The following IL12RB2 variants were observed in gnomAD, a reference collection of about 807,000 sequenced individuals.
IL12RB2 encodes the protein interleukin-12 receptor subunit beta-2.
Under a neutral mutation model 89.4 loss-of-function variants are expected in IL12RB2, and 82 were observed. The observed-to-expected ratio is 0.92, with a 90% CI of 0.77 to 1.10. The LOEUF (loss-of-function observed/expected upper bound fraction) is 1.10. Among genes scored for constraint, IL12RB2 ranks in the 50% least tolerant of loss-of-function variants. The pLI, the probability that IL12RB2 is intolerant of heterozygous loss-of-function variation, is 0.00. For synonymous variants in IL12RB2, 368 were observed against 370.1 expected, an observed-to-expected ratio of 0.99 and a Z score of 0.07; for missense variants, 963 against 1,031.9, an observed-to-expected ratio of 0.93 and a Z score of 0.92.
rs1663469571 is a variant in IL12RB2, at chr1:67,372,438, A to G, written c.1462A>G (p.Asn488Asp). The change falls in exon 12 of 17, where the codon AAC becomes GAC. Residue 488 changes from asparagine to aspartate, a missense_variant and splice_region_variant. By Grantham distance (23) the Asn-to-Asp change is conservative. Transcript: ENST00000674203. The part of the protein sequence containing the change: ...PYNVSALISE[N>D]IKSYICYEIR... ...TGGGAATTCCCTTTTCCTTGCAGAG[A>G]ACATAAAATCCTACATCTGTTATGA... The G allele has an allele frequency of 1.3e-6, 2 of 1,543,272 alleles. No homozygotes were observed. Among genetic ancestry groups the G allele is most frequent in the Non-Finnish European group, 1.8e-6 (2 of 1,115,180 alleles).
intron 1 of IL12RB2, among the ~76,000 whole-genome samples, chr1:67,308,564 T>A (rs968107827): frequency 1.7e-4 from 26 of 152,092 alleles, no homozygotes; most frequent in African/African-American, 5.8e-4. Context: ...CAGCCTCAGT[T>A]TTCTCTTCTG....
intron 9 of IL12RB2, among the ~76,000 whole-genome samples, chr1:67,339,317 T>A (rs753688385): frequency 4.6e-5 from 7 of 151,728 alleles, no homozygotes; most frequent in Non-Finnish European, 8.8e-5. Context: ...TGAAACCCCG[T>A]CTCTACTGAA....
rs576405832 is a variant in IL12RB2 at position 67,315,383 on chromosome 1, A to G, written c.-37+1383A>G. 8.5e-5 allele frequency among the ~76,000 whole-genome samples: 13 copies of G among 152,280 alleles called. No homozygotes were observed. The East Asian group carries it at 2.5e-3, about 29-fold the overall frequency. On this transcript the variant is annotated intron_variant, in intron 2 of 16. Coordinates refer to ENST00000674203, the MANE Select transcript of IL12RB2 (RefSeq NM_001374259.2). Reference sequence around the variant, plus strand: ...ATTTCTACAAAGGGGCGCCATAGATATCTTTTGCAGTTAGGAAGCAGAAAC... The same window carrying G: ...ATTTCTACAAAGGGGCGCCATAGATGTCTTTTGCAGTTAGGAAGCAGAAAC...
chr1:67,381,782 A>AAG (rs1553127758), intron 14 of IL12RB2, among the ~76,000 whole-genome samples: 101 of 132,712 alleles, frequency 7.6e-4, no homozygotes, highest in East Asian at 3.8e-3. Context: ...AAAAAAAAAA[A>AAG]AAAGAAAGAA....
chr1:67,324,239 T>C (rs1157352829), intron 4 of IL12RB2, among the ~76,000 whole-genome samples: 1 of 152,224 alleles, frequency 6.6e-6, no homozygotes, highest in Non-Finnish European at 1.5e-5. Context: ...TTTGTTTGTT[T>C]TGAGATGGAA....
rs769758127 is a variant in IL12RB2, at chr1:67,395,690, A to T, written c.2190A>T (p.Glu730Asp). 4 of 1,614,172 alleles carry T rather than the reference A, an allele frequency of 2.5e-6. No individual in the cohort carries two copies. The highest frequency in any genetic ancestry group is 4.5e-5 in the East Asian group (2 of 44,874). Residue 730 changes from glutamate (E) to aspartate (D), a missense_variant, in exon 17 of 17, where the codon GAA (glutamate) becomes GAT (aspartate). Physicochemically the swap from Glu to Asp is conservative, Grantham distance 45 (BLOSUM62 2). Coordinates refer to ENST00000674203, the MANE Select transcript of IL12RB2 (RefSeq NM_001374259.2). ...HPPCSNWPQR[E>D]KGIQGHQASE... ...CCTGCTCCAACTGGCCACAAAGGGA[A>T]AAAGGAATCCAAGGTCATCAGGCCT... is the stretch of plus-strand genomic sequence containing the variant.
At chr1:67,333,238 C>T (rs1569848545) in intron 8 of IL12RB2, among the ~76,000 whole-genome samples, 2 of 152,000 alleles carry the variant, frequency 1.3e-5, no homozygotes, top group African/African-American at 4.8e-5. Context: ...TGGTTTTCAC[C>T]CCTTACCCGC....
intron 14 of IL12RB2, 86 bp downstream of exon 14, chr1:67,380,209 A>C: frequency 7.0e-7 from 1 of 1,436,830 alleles, no homozygotes; most frequent in Non-Finnish European, 9.8e-7. Flanking sequence ...AGAGATAATC[A>C]GATTTTCTTT....
chr1:67,363,460 C>T (rs962019505), intron 10 of IL12RB2, among the ~76,000 whole-genome samples: 2 of 151,886 alleles, frequency 1.3e-5, no homozygotes, highest in Admixed American at 6.6e-5. Flanking sequence ...AGGTGATTCG[C>T]CCACCTCAGC....
chr1:67,362,543 G>A (rs1460951678), intron 10 of IL12RB2, among the ~76,000 whole-genome samples: 5 of 141,072 alleles, frequency 3.5e-5, no homozygotes, highest in African/African-American at 1.3e-4. Context: ...TCCGCAGTCC[G>A]GCCTGGGCGA....
In IL12RB2 at chr1:67,376,696, A is replaced by ATGTG. The variant is rs1434017757; in HGVS notation, c.1718-3287_1718-3284dup. On this transcript the variant is annotated intron_variant, in intron 13 of 16. Transcript: ENST00000674203. Reference sequence around the variant, plus strand: ...GAGCTTCTATTTTTGTTCTCCTAATATGTGTGCGTGTGTGTGTGTGTATGT... The same window carrying ATGTG: ...GAGCTTCTATTTTTGTTCTCCTAATATGTGTGTGTGCGTGTGTGTGTGTGTATGT... 2.9e-4 allele frequency among the ~76,000 whole-genome samples: 29 copies of ATGTG among 101,746 alleles called. 1 individual carries two copies. The highest frequency in any genetic ancestry group is 4.9e-4 in the Non-Finnish European group (22 of 44,930). 66.7% of individuals were successfully genotyped at this position (101,746 alleles called of 152,430 possible).
At chr1:67,377,781 G>C (rs532376408) in intron 13 of IL12RB2, among the ~76,000 whole-genome samples, 2 of 146,988 alleles carry the variant, frequency 1.4e-5, no homozygotes, top group African/African-American at 5.0e-5. Context: ...ATTGTAATTT[G>C]TGTTTCTTTT....
Position 67,396,192 on chromosome 1 carries a change from C to T in IL12RB2, c.*103C>T. 2.5e-6 allele frequency: 2 copies of T among 816,296 alleles called. No individual in the cohort carries two copies. The highest frequency in any genetic ancestry group is 2.1e-6 in the Non-Finnish European group (1 of 465,340). The allele number at this position is 816,296 out of a possible 1,614,324, so 50.6% of individuals were successfully genotyped here. A position where few individuals can be genotyped will look rare whatever the true frequency, so the allele number is the denominator to read the frequency against. On this transcript the variant is annotated 3_prime_UTR_variant, in exon 17 of 17. Transcript: ENST00000674203. ...AGCAGCTGTCATCTCTGGGTGCCAC[C>T]ATCGGTCTGGCTGCAGCTAGAGGAC...
intron 10 of IL12RB2, among the ~76,000 whole-genome samples, chr1:67,352,481 G>T (rs1440996019): frequency 6.6e-6 from 1 of 152,110 alleles, no homozygotes; most frequent in African/African-American, 2.4e-5. Context: ...GGAAAAGAAG[G>T]GCTCAGCCCT....
chr1:67,345,812 A>T (rs765811854), intron 9 of IL12RB2, among the ~76,000 whole-genome samples: 1 of 152,210 alleles, frequency 6.6e-6, no homozygotes, highest in Non-Finnish European at 1.5e-5. Context: ...AGCTGAAAGT[A>T]GGGAATTTTG....
Position 67,316,214 on chromosome 1 carries a change from T to C in IL12RB2, c.-37+2214T>C, listed in dbSNP as rs1038710104. Among the ~76,000 whole-genome samples, 52 of 151,840 alleles carry C rather than the reference T, an allele frequency of 3.4e-4. 1 individual carries two copies. Among genetic ancestry groups the C allele is most frequent in the Middle Eastern group, 6.8e-3 (2 of 292 alleles). ...ATTAGTTCTCTTTAATTATGGTACG[T>C]GCTAAGATAGGAAGATGCCAGGGTG... On this transcript the variant is annotated intron_variant, in intron 2 of 16. Transcript: ENST00000674203.
At chr1:67,387,504 C>T (rs1177562994) in intron 15 of IL12RB2, among the ~76,000 whole-genome samples, 1 of 150,018 alleles carries the variant, frequency 6.7e-6, no homozygotes, top group African/African-American at 2.4e-5. Context: ...AGATGGAGAC[C>T]ATCCTGGCCA....
chr1:67,386,443 A>G, intron 14 of IL12RB2, 136 bp from the exon 15 acceptor site: 1 of 748,168 alleles, frequency 1.3e-6, no homozygotes. Flanking sequence ...GCATAGACAA[A>G]AGTGAATTTA....
rs116307520 is a variant in IL12RB2 at position 67,346,118 on chromosome 1, A to G, written c.1039-4752A>G. Among the ~76,000 whole-genome samples the G allele has an allele frequency of 3.5e-3, 538 of 152,222 alleles. 4 individuals carry two copies. Among genetic ancestry groups the G allele is most frequent in the African/African-American group, 0.011 (477 of 41,526 alleles). On this transcript the variant is annotated intron_variant, in intron 9 of 16. Coordinates refer to ENST00000674203, the MANE Select transcript of IL12RB2 (RefSeq NM_001374259.2). Reference sequence around the variant, plus strand: ...GTTCACCTCTTGGTAGAGCTGTGCCACCTGGGTTTGAGTTCCAGCTTCACT... The same window carrying G: ...GTTCACCTCTTGGTAGAGCTGTGCCGCCTGGGTTTGAGTTCCAGCTTCACT...
Sources: gnomAD v4.1 joint callset for allele counts (sites outside exome capture counted in the v4.1 genomes callset) on GRCh38, gnomAD v4.1.1 for gene constraint, MANE v1.5 for transcripts, NCBI Gene and HGNC (gene_info 2026-07-23, HGNC 2026-07-21) for gene names.